PDS5B: variants seen among roughly 807,000 people sequenced by gnomAD.
The protein encoded by PDS5B is sister chromatid cohesion protein PDS5 homolog B.
PDS5B carries 51 observed loss-of-function variants against 184.1 expected under a neutral mutation model. The ratio of observed to expected loss-of-function variants is 0.28; its 90% CI spans 0.22 to 0.35. PDS5B has a LOEUF of 0.35. Ranked by LOEUF, PDS5B falls within the 10% of genes least tolerant of loss-of-function variation. PDS5B has a pLI of 1.00. For missense variants in PDS5B, 1,180 were observed against 1,723.3 expected (o/e 0.68, Z 5.58); for synonymous variants, 566 against 569.2 (o/e 0.99, Z 0.08).
intron 20 of PDS5B, 150 bp from the exon 21 acceptor site, chr13:32,735,022 T>A (rs1195678538): frequency 2.1e-6 from 1 of 473,180 alleles, no homozygotes; most frequent in African/African-American, 2.0e-5. Flanking sequence ...CTACTTATAC[T>A]ATGTATATTT....
chr13:32,603,167 C>G (rs2058004952), intron 1 of PDS5B, among the ~76,000 whole-genome samples: 2 of 152,170 alleles, frequency 1.3e-5, no homozygotes, highest in African/African-American at 4.8e-5. Flanking sequence ...GAAGTCCTTG[C>G]CCATGCCTAT....
intron 30 of PDS5B, among the ~76,000 whole-genome samples, chr13:32,761,217 GTATT>G (rs1233791626): frequency 6.6e-6 from 1 of 152,128 alleles, no homozygotes; most frequent in Admixed American, 6.5e-5. Context: ...AATCTTAACA[GTATT>G]TATGTTAACC....
rs1459222528 is a variant in PDS5B, at chr13:32,770,282, G to A, written c.3786G>A (p.Gln1262=). The A allele has an allele frequency of 1.2e-6, 2 of 1,613,958 alleles. No individual in the cohort carries two copies. Among genetic ancestry groups the A allele is most frequent in the Admixed American group, 1.7e-5 (1 of 60,002 alleles). ...ATACGGCTTCAGAATCTGATGAACAGCAGTGGCCTGAGGAAAAGAGGCTCA... is the reference window on the plus strand; with the variant it reads ...ATACGGCTTCAGAATCTGATGAACAACAGTGGCCTGAGGAAAAGAGGCTCA... ...RGHTASESDE[Q]QWPEEKRLKE... Residue 1262 remains glutamine (Q), a synonymous_variant, in exon 32 of 35, where the codon CAG becomes CAA. Coordinates refer to ENST00000315596, the MANE Select transcript of PDS5B (RefSeq NM_015032.4).
rs373958138 is a variant in PDS5B, at chr13:32,678,887, C to T, written c.1015C>T (p.His339Tyr). 1.2e-6 allele frequency: 2 copies of T among 1,607,888 alleles called. No individual in the cohort carries two copies. The highest frequency in any genetic ancestry group is 2.7e-5 in the African/African-American group (2 of 74,756). Residue 339 changes from histidine (H) to tyrosine (Y), a missense_variant, in exon 10 of 35, where the codon CAT (histidine) becomes TAT (tyrosine). By Grantham distance (83) the His-to-Tyr change is moderately conservative. Coordinates refer to ENST00000315596, the MANE Select transcript of PDS5B (RefSeq NM_015032.4). ...IRLECVKFASHCLMNHPDLAK... is the reference protein window; with the variant it reads ...IRLECVKFASYCLMNHPDLAK... ...CCTGGAATGTGTGAAATTTGCTAGC[C>T]ATTGTCTCATGAACCATCCTGATTT...
intron 9 of PDS5B, among the ~76,000 whole-genome samples, chr13:32,678,619 A>C (rs1951139028): frequency 6.6e-6 from 1 of 152,230 alleles, no homozygotes. Flanking sequence ...AAAATCACAT[A>C]GTTCTCACAG....
chr13:32,760,785 T>C lies in PDS5B; in HGVS notation c.3518+65T>C. 4.2e-6 allele frequency: 6 copies of C among 1,431,534 alleles called. No individual in the cohort carries two copies. In the South Asian group the frequency reaches 7.7e-5, roughly 18 times the overall value. 88.7% of individuals were successfully genotyped at this position (1,431,534 alleles called of 1,614,324 possible). A position where few individuals can be genotyped will look rare whatever the true frequency, so the allele number is the denominator to read the frequency against. On this transcript the variant is annotated intron_variant, in intron 30 of 34. Transcript: ENST00000315596. ...TCCAGCAAGGCTATGAGATCTGAAATAATATAATCCAAAATGTTTCATGTC... is the reference window on the plus strand; with the variant it reads ...TCCAGCAAGGCTATGAGATCTGAAACAATATAATCCAAAATGTTTCATGTC...
chr13:32,688,136 T>C (rs933778781), intron 12 of PDS5B, among the ~76,000 whole-genome samples: 6 of 149,776 alleles, frequency 4.0e-5, no homozygotes, highest in African/African-American at 7.3e-5. Flanking sequence ...ATTTAGAACT[T>C]GGCATTTGAA....
chr13:32,695,019 G>A (rs1211698834), intron 14 of PDS5B, among the ~76,000 whole-genome samples: 2 of 151,702 alleles, frequency 1.3e-5, no homozygotes, highest in African/African-American at 4.8e-5. Context: ...CACTTCATAG[G>A]ACAGAGGTCA....
At chr13:32,605,588 C>T (rs991639676) in intron 1 of PDS5B, among the ~76,000 whole-genome samples, 16 of 152,160 alleles carry the variant, frequency 1.1e-4, no homozygotes, top group Non-Finnish European at 2.4e-4. Flanking sequence ...TCTGTTAGGT[C>T]TGCTTGGTGC....
At chr13:32,760,177 G>C (rs144082602) in intron 29 of PDS5B, among the ~76,000 whole-genome samples, 2,474 of 152,254 alleles carry the variant, frequency 0.016, 69 homozygotes, top group African/African-American at 0.057. Flanking sequence ...GGATGGTCTC[G>C]ATCTCCTGAC....
chr13:32,715,657 C>T (rs544999328), intron 19 of PDS5B, among the ~76,000 whole-genome samples: 3 of 152,154 alleles, frequency 2.0e-5, no homozygotes, highest in African/African-American at 7.2e-5. Context: ...CCCTCTCCCT[C>T]TCCCCACGGT....
In PDS5B at chr13:32,648,853, T is replaced by C. The variant is rs778280237; in HGVS notation, c.81T>C (p.Ser27=). Residue 27 remains serine (S), a synonymous_variant, in exon 2 of 35, where the codon TCT becomes TCC. Coordinates refer to ENST00000315596, the MANE Select transcript of PDS5B (RefSeq NM_015032.4). ...TCAAGGAAATATCAGATAAAATATC[T>C]AAAGAGGAGATGGTGAGACGATTAA... The part of the protein sequence containing the change: ...PGVKEISDKI[S]KEEMVRRLKM... 1 of 1,505,824 alleles carries C rather than the reference T, an allele frequency of 6.6e-7. No homozygotes were observed. Among genetic ancestry groups the C allele is most frequent in the South Asian group, 1.1e-5 (1 of 88,916 alleles). The allele number at this position is 1,505,824 out of a possible 1,614,324, so 93.3% of individuals were successfully genotyped here. A position where few individuals can be genotyped will look rare whatever the true frequency, so the allele number is the denominator to read the frequency against.
intron 15 of PDS5B, 30 bp from the exon 16 acceptor site, chr13:32,699,700 G>A: frequency 7.7e-7 from 1 of 1,290,476 alleles, no homozygotes; most frequent in African/African-American, 1.6e-5. Context: ...AAAAAAAATT[G>A]ATTTTAATTG....
chr13:32,743,734 A>T (rs912986308), intron 23 of PDS5B, among the ~76,000 whole-genome samples: 2 of 152,150 alleles, frequency 1.3e-5, no homozygotes, highest in Non-Finnish European at 2.9e-5. Flanking sequence ...AACAAAACAT[A>T]TAAAAAAAAA....
At chr13:32,717,939 A>C (rs917474857) in intron 19 of PDS5B, among the ~76,000 whole-genome samples, 2 of 144,118 alleles carry the variant, frequency 1.4e-5, no homozygotes, top group African/African-American at 5.1e-5. Context: ...AAATCTTACT[A>C]ATATGTGATT....
At chr13:32,643,370 TTTAAG>T (rs1357810257) in intron 1 of PDS5B, among the ~76,000 whole-genome samples, 4 of 152,158 alleles carry the variant, frequency 2.6e-5, no homozygotes, top group Admixed American at 6.5e-5. Context: ...TGCCTTTATA[TTTAAG>T]TTGTTACTGT....
rs1433662953 is a variant in PDS5B, at chr13:32,775,819, A to T, written c.*767A>T. The T allele has an allele frequency of 3.0e-6, 1 of 330,724 alleles. No homozygotes were observed. The highest frequency in any genetic ancestry group is 2.2e-5 in the African/African-American group (1 of 45,592). 20.5% of individuals were successfully genotyped at this position (330,724 alleles called of 1,614,324 possible). On this transcript the variant is annotated 3_prime_UTR_variant, in exon 35 of 35. Transcript: ENST00000315596. ...TTTAATTTTAAAGAGTGTGTTATAA[A>T]ATAATGTACTGAATTCTTTATCCCA...
rs1002469162 is a variant in PDS5B, at chr13:32,623,969, G to A, written c.-19-24785G>A. On this transcript the variant is annotated intron_variant, in intron 1 of 34. Coordinates refer to ENST00000315596, the MANE Select transcript of PDS5B (RefSeq NM_015032.4). ...TGGGAAGACAGGCGTGTGCCACCAC[G>A]CCCAGCTAATTTTTGTATTTTTAGT... 2.6e-5 allele frequency among the ~76,000 whole-genome samples: 4 copies of A among 151,662 alleles called. No homozygotes were observed. The East Asian group carries it at 5.8e-4, about 22-fold the overall frequency.
chr13:32,622,745 C>G (rs959374804), intron 1 of PDS5B, among the ~76,000 whole-genome samples: 2 of 152,090 alleles, frequency 1.3e-5, no homozygotes, highest in Non-Finnish European at 2.9e-5. Flanking sequence ...TAATTTGAAT[C>G]TTTTAATCAT....
Sources: allele counts gnomAD v4.1 joint callset (sites outside exome capture counted in the v4.1 genomes callset), GRCh38; gene constraint gnomAD v4.1.1; transcripts MANE v1.5; gene names NCBI Gene and HGNC (gene_info 2026-07-23, HGNC 2026-07-21).